FOXP1: variants seen among roughly 807,000 people sequenced by gnomAD.
The protein encoded by FOXP1 is forkhead box protein P1.
FOXP1 carries 15 observed loss-of-function variants against 98.2 expected under a neutral mutation model. The observed-to-expected ratio is 0.15, with a 90% CI of 0.10 to 0.24. FOXP1 has a LOEUF of 0.24. FOXP1 is among the 10% of genes least tolerant of loss of function. FOXP1 has a pLI of 1.00. For missense variants in FOXP1, 633 were observed against 848.5 expected (o/e 0.75, Z 3.15); for synonymous variants, 371 against 314.5 (o/e 1.18, Z -1.90).
At chr3:71,282,875 G>A (rs189984166) in intron 5 of FOXP1, among the ~76,000 whole-genome samples, 8 of 152,226 alleles carry the variant, frequency 5.3e-5, no homozygotes, top group African/African-American at 1.2e-4. Context: ...GTCCATTCCC[G>A]CCTGGAGACA....
chr3:71,185,709 G>A (rs773723504), intron 6 of FOXP1, among the ~76,000 whole-genome samples: 10 of 152,132 alleles, frequency 6.6e-5, no homozygotes, highest in Non-Finnish European at 1.5e-4. Context: ...AAACTTACTT[G>A]TCTCAAAATT....
chr3:71,152,942 C>T (rs1429255309), intron 6 of FOXP1, among the ~76,000 whole-genome samples: 2 of 152,314 alleles, frequency 1.3e-5, no homozygotes, highest in East Asian at 3.9e-4. Flanking sequence ...CTTAATAACT[C>T]GGCAAGTCCT....
intron 3 of FOXP1, among the ~76,000 whole-genome samples, chr3:71,434,631 G>GTTGTGTGTGTGTGTGT (rs376887775): frequency 2.1e-5 from 3 of 142,266 alleles, no homozygotes; most frequent in African/African-American, 7.9e-5. Flanking sequence ...GAGGGGATGG[G>GTTGTGTGTGTGTGTGT]GTGTGTGTGT....
At chr3:71,405,856 G>A (rs543294696) in intron 3 of FOXP1, among the ~76,000 whole-genome samples, 37 of 152,000 alleles carry the variant, frequency 2.4e-4, no homozygotes, top group Non-Finnish European at 4.6e-4. Context: ...AGCCTCCCAA[G>A]TAGCTGGGAT....
rs936509073 is a variant in FOXP1 at position 70,955,722 on chromosome 3, T to G, written c.*3525A>C. 1 of 233,416 alleles carries G rather than the reference T, an allele frequency of 4.3e-6. No individual in the cohort carries two copies. The highest frequency in any genetic ancestry group is 2.2e-5 in the African/African-American group (1 of 45,288). 14.5% of individuals were successfully genotyped at this position (233,416 alleles called of 1,614,324 possible). A position where few individuals can be genotyped will look rare whatever the true frequency, so the allele number is the denominator to read the frequency against. ...GAAAACATTTTTTAAACAACATTTTTTTTTCTTTTCAAATGTATGAACTTG... is the reference window on the plus strand; with the variant it reads ...GAAAACATTTTTTAAACAACATTTTGTTTTCTTTTCAAATGTATGAACTTG... On this transcript the variant is annotated 3_prime_UTR_variant, in exon 21 of 21. Coordinates refer to ENST00000649528, the MANE Select transcript of FOXP1 (RefSeq NM_001349338.3).
At chr3:71,548,403 TTTTG>T (rs773661569) in intron 2 of FOXP1, among the ~76,000 whole-genome samples, 3 of 143,248 alleles carry the variant, frequency 2.1e-5, no homozygotes, top group Admixed American at 6.7e-5. Context: ...CCTCAACTGT[TTTTG>T]TTTTTGTTTT....
chr3:71,345,864 GT>G (rs1371894869), intron 4 of FOXP1, among the ~76,000 whole-genome samples: 1 of 25,544 alleles, frequency 3.9e-5, no homozygotes, highest in Non-Finnish European at 9.2e-5. Context: ...AATCAATAAA[GT>G]TTTTGTAAAA....
Position 71,383,170 on chromosome 3 carries a change from A to C in FOXP1, c.-167-23926T>G, listed in dbSNP as rs1349752804. 2.6e-5 allele frequency among the ~76,000 whole-genome samples: 4 copies of C among 152,202 alleles called. No individual in the cohort carries two copies. In the East Asian group the frequency reaches 5.8e-4, roughly 22 times the overall value. On this transcript the variant is annotated intron_variant, in intron 3 of 20. Coordinates refer to ENST00000649528, the MANE Select transcript of FOXP1 (RefSeq NM_001349338.3). ...TATTATGGTAAACTGACATGAGAAGATGGGCCAGCTCCAGGTGGCTCTCTA... is the reference window on the plus strand; with the variant it reads ...TATTATGGTAAACTGACATGAGAAGCTGGGCCAGCTCCAGGTGGCTCTCTA...
At chr3:71,110,641 G>C (rs987363533) in intron 7 of FOXP1, among the ~76,000 whole-genome samples, 1 of 152,178 alleles carries the variant, frequency 6.6e-6, no homozygotes, top group African/African-American at 2.4e-5. Flanking sequence ...CCAACAATTG[G>C]CTATGTTATG....
intron 1 of FOXP1, chr3:71,582,485 G>A (rs1215209549): frequency 1.0e-6 from 1 of 985,458 alleles, no homozygotes; most frequent in Non-Finnish European, 1.2e-6. Context: ...TCGGGAGGAA[G>A]GCTGCGCGCA....
chr3:71,129,154 A>G (rs1273782139), intron 6 of FOXP1, among the ~76,000 whole-genome samples: 2 of 152,098 alleles, frequency 1.3e-5, no homozygotes, highest in Admixed American at 1.3e-4. Flanking sequence ...CACTGTTCCC[A>G]CACTGAGTTT....
intron 3 of FOXP1, among the ~76,000 whole-genome samples, chr3:71,438,709 T>C (rs1370649305): frequency 6.6e-6 from 1 of 150,668 alleles, no homozygotes; most frequent in Non-Finnish European, 1.5e-5. Flanking sequence ...AATAGAATTA[T>C]ATAGATTTAG....
At chr3:71,269,410 C>A (rs2070100505) in intron 5 of FOXP1, among the ~76,000 whole-genome samples, 1 of 151,782 alleles carries the variant, frequency 6.6e-6, no homozygotes, top group Non-Finnish European at 1.5e-5. Flanking sequence ...AAATAAAATT[C>A]CACTATAAAA....
chr3:71,110,500 G>T (rs527625504), intron 7 of FOXP1, among the ~76,000 whole-genome samples: 1 of 152,260 alleles, frequency 6.6e-6, no homozygotes, highest in African/African-American at 2.4e-5. Context: ...GCTCCAAGAG[G>T]GAGGCAAAAA....
intron 2 of FOXP1, among the ~76,000 whole-genome samples, chr3:71,568,535 T>C (rs1366315957): frequency 6.6e-6 from 1 of 152,212 alleles, no homozygotes; most frequent in Non-Finnish European, 1.5e-5. Context: ...TGCTCTGCCA[T>C]CACCTTCTTG....
chr3:71,344,263 T>C (rs1197331147), intron 4 of FOXP1, among the ~76,000 whole-genome samples: 1 of 152,204 alleles, frequency 6.6e-6, no homozygotes. Flanking sequence ...AACCCTAAAA[T>C]GTTCATACTT....
chr3:71,493,210 A>C (rs1396235681), intron 3 of FOXP1, among the ~76,000 whole-genome samples: 1 of 152,218 alleles, frequency 6.6e-6, no homozygotes, highest in Non-Finnish European at 1.5e-5. Flanking sequence ...TAAAACAAAC[A>C]AGCCAACAGA....
At chr3:71,474,292 A>G (rs909406655) in intron 3 of FOXP1, among the ~76,000 whole-genome samples, 7 of 152,238 alleles carry the variant, frequency 4.6e-5, no homozygotes, top group African/African-American at 1.7e-4. Context: ...GTAGAGTGCA[A>G]CCACTCCTGA....
intron 13 of FOXP1, among the ~76,000 whole-genome samples, chr3:70,997,896 G>T (rs1313508430): frequency 6.6e-6 from 1 of 152,178 alleles, no homozygotes; most frequent in Non-Finnish European, 1.5e-5. Context: ...TGGATGGATG[G>T]ATGCATGGAT....
Sources: gnomAD v4.1 joint callset for allele counts (sites outside exome capture counted in the v4.1 genomes callset) on GRCh38, gnomAD v4.1.1 for gene constraint, MANE v1.5 for transcripts, NCBI Gene and HGNC (gene_info 2026-07-23, HGNC 2026-07-21) for gene names.